GALNT2: variants seen among roughly 807,000 people sequenced by gnomAD.
The protein encoded by GALNT2 is UDP-GalNAc:polypeptide N-acetylgalactosaminyltransferase 2.
A neutral mutation model predicts 81.4 loss-of-function variants in GALNT2; 31 were observed. That is an observed-to-expected ratio of 0.38 (90% CI 0.29 to 0.51). The LOEUF is 0.51. GALNT2 is among the 20% of genes least tolerant of loss of function. The probability of loss-of-function intolerance (pLI) is 0.87; values close to 1 mark genes in which losing one functional copy is unlikely to be tolerated. For synonymous variants in GALNT2, 303 were observed against 287.4 expected (o/e 1.05, Z -0.55); for missense variants, 629 against 765.7 (o/e 0.82, Z 2.11).
At position 230,074,152 on chromosome 1, in the gene GALNT2, G is replaced by C. The variant is rs899549294; in HGVS notation, c.126+6746G>C. On this transcript the variant is annotated intron_variant, in intron 1 of 15. Transcript: ENST00000366672. ...CTGCCACCCAGGTTAGAGCTCAGTG[G>C]TACAACCAGAGCTAACTGTAGCCTC... 2.0e-5 allele frequency among the ~76,000 whole-genome samples: 3 copies of C among 151,518 alleles called. No homozygotes were observed. The East Asian group carries it at 5.8e-4, about 29-fold the overall frequency.
intron 1 of GALNT2, among the ~76,000 whole-genome samples, chr1:230,115,900 T>C (rs891016681): frequency 1.3e-4 from 20 of 152,222 alleles, no homozygotes; most frequent in African/African-American, 4.8e-4. Context: ...GAAACCACTT[T>C]CTTTGCTCTT....
intron 1 of GALNT2, among the ~76,000 whole-genome samples, chr1:230,096,309 A>G (rs996724541): frequency 2.0e-5 from 3 of 152,258 alleles, no homozygotes; most frequent in African/African-American, 7.2e-5. Flanking sequence ...CAACTAAAGC[A>G]TTCTTTATCA....
chr1:230,137,312 C>A (rs2059688549), intron 1 of GALNT2, among the ~76,000 whole-genome samples: 2 of 152,354 alleles, frequency 1.3e-5, no homozygotes, highest in South Asian at 4.1e-4. Flanking sequence ...ACAGCCTGCA[C>A]AGAGGTGGTG....
chr1:230,182,214 TTC>T lies in GALNT2; in HGVS notation c.220+3905_220+3906del, dbSNP rs201418954. On this transcript the variant is annotated intron_variant, in intron 2 of 15. Coordinates refer to ENST00000366672, the MANE Select transcript of GALNT2 (RefSeq NM_004481.5). ...GTTTTTGTTTTTTTCTGTATTGATT[TTC>T]TGTTTTCAATTTTATTGATTTCTGT... Among the ~76,000 whole-genome samples the T allele has an allele frequency of 8.7e-4, 133 of 152,196 alleles. 3 individuals are homozygous for T. In the East Asian group the frequency reaches 0.024, roughly 28 times the overall value.
chr1:230,236,598 T>G, intron 5 of GALNT2, 62 bp from the exon 6 acceptor site: 1 of 1,532,998 alleles, frequency 6.5e-7, no homozygotes, highest in Non-Finnish European at 9.0e-7. Flanking sequence ...AATACTATGG[T>G]TGAATGCAAA....
In GALNT2 at chr1:230,149,396, G is replaced by A. The variant is rs542890844; in HGVS notation, c.127-28822G>A. On this transcript the variant is annotated intron_variant, in intron 1 of 15. Coordinates refer to ENST00000366672, the MANE Select transcript of GALNT2 (RefSeq NM_004481.5). Reference sequence around the variant, plus strand: ...CTGCCTGCTTGCTGTTTTATAGGGTGTTTCTCTTACAGGCTGCCAATAGCT... The same window carrying A: ...CTGCCTGCTTGCTGTTTTATAGGGTATTTCTCTTACAGGCTGCCAATAGCT... 3.4e-4 allele frequency among the ~76,000 whole-genome samples: 52 copies of A among 152,242 alleles called. No individual in the cohort carries two copies. In the South Asian group the frequency reaches 0.01, roughly 30 times the overall value.
intron 8 of GALNT2, among the ~76,000 whole-genome samples, chr1:230,248,729 A>G (rs1665452129): frequency 6.6e-6 from 1 of 152,158 alleles, no homozygotes; most frequent in Non-Finnish European, 1.5e-5. Flanking sequence ...TTGCTGGCCC[A>G]GGGAACTGAC....
intron 3 of GALNT2, among the ~76,000 whole-genome samples, chr1:230,211,131 C>T (rs995876252): frequency 7.9e-5 from 12 of 152,198 alleles, no homozygotes; most frequent in Non-Finnish European, 1.6e-4. Flanking sequence ...CTCGGCAGCT[C>T]GCGGCGTCTC....
intron 1 of GALNT2, among the ~76,000 whole-genome samples, chr1:230,119,101 C>G (rs898857916): frequency 6.6e-6 from 1 of 152,190 alleles, no homozygotes; most frequent in African/African-American, 2.4e-5. Flanking sequence ...GCTCAAATCT[C>G]CATTTGGTTC....
chr1:230,185,828 C>T (rs1036003284), intron 2 of GALNT2, among the ~76,000 whole-genome samples: 8 of 152,180 alleles, frequency 5.3e-5, no homozygotes, highest in South Asian at 2.1e-4. Flanking sequence ...ACTGGGTCCC[C>T]CTGGAGTTTT....
chr1:230,163,867 T>C (rs1483933222), intron 1 of GALNT2, among the ~76,000 whole-genome samples: 1 of 152,178 alleles, frequency 6.6e-6, no homozygotes, highest in Non-Finnish European at 1.5e-5. Context: ...GTGAGCTTAT[T>C]GGATTTAGCT....
At chr1:230,244,657 T>C (rs1665310189) in intron 7 of GALNT2, among the ~76,000 whole-genome samples, 1 of 152,186 alleles carries the variant, frequency 6.6e-6, no homozygotes, top group Non-Finnish European at 1.5e-5. Flanking sequence ...GGAGAGAAAG[T>C]GCCAAGCCTA....
intron 1 of GALNT2, among the ~76,000 whole-genome samples, chr1:230,098,868 C>A (rs1660323936): frequency 6.6e-6 from 1 of 152,100 alleles, no homozygotes; most frequent in South Asian, 2.1e-4. Flanking sequence ...CAGGAGTTGA[C>A]CATGATGTGT....
intron 1 of GALNT2, among the ~76,000 whole-genome samples, chr1:230,060,608 TA>T (rs1659023735): frequency 6.6e-6 from 1 of 152,184 alleles, no homozygotes; most frequent in Non-Finnish European, 1.5e-5. Flanking sequence ...GAAGACCTTG[TA>T]AATCTCCTCC....
At chr1:230,181,561 T>TC (rs1299879192) in intron 2 of GALNT2, among the ~76,000 whole-genome samples, 1 of 151,246 alleles carries the variant, frequency 6.6e-6, no homozygotes, top group East Asian at 1.9e-4. Context: ...TCGTTTCCTT[T>TC]TTTTTTTTTT....
chr1:230,228,332 T>C (rs1664775491), intron 3 of GALNT2, among the ~76,000 whole-genome samples: 1 of 152,040 alleles, frequency 6.6e-6, no homozygotes, highest in South Asian at 2.1e-4. Context: ...GTCACAAATA[T>C]CCACTGGCAT....
intron 1 of GALNT2, among the ~76,000 whole-genome samples, chr1:230,071,639 G>A (rs1476075807): frequency 6.6e-6 from 1 of 152,142 alleles, no homozygotes; most frequent in African/African-American, 2.4e-5. Flanking sequence ...GAGCATCTTG[G>A]TGGATGCGGA....
intron 15 of GALNT2, among the ~76,000 whole-genome samples, chr1:230,278,381 T>C (rs1193613550): frequency 6.6e-6 from 1 of 152,142 alleles, no homozygotes; most frequent in Non-Finnish European, 1.5e-5. Context: ...TGCCTCGGCC[T>C]CCCAAAGTGC....
intron 3 of GALNT2, among the ~76,000 whole-genome samples, chr1:230,228,994 A>G (rs2102729854): frequency 6.6e-6 from 1 of 152,366 alleles, no homozygotes; most frequent in African/African-American, 2.4e-5. Flanking sequence ...ATAACCTGTT[A>G]TAACCTGTTA....
Sources: gnomAD v4.1 joint callset for allele counts (sites outside exome capture counted in the v4.1 genomes callset) on GRCh38, gnomAD v4.1.1 for gene constraint, MANE v1.5 for transcripts, NCBI Gene and HGNC (gene_info 2026-07-23, HGNC 2026-07-21) for gene names.